The following TXNRD1 variants were observed in gnomAD, a reference collection of about 807,000 sequenced individuals.
TXNRD1 encodes thioredoxin reductase 1.
A neutral mutation model predicts 80.3 loss-of-function variants in TXNRD1; 57 were observed. The observed-to-expected ratio is 0.71, with a 90% CI of 0.57 to 0.89. The LOEUF (loss-of-function observed/expected upper bound fraction) is 0.89, where lower values mean the gene tolerates loss of function less well. Among genes scored for constraint, TXNRD1 ranks in the 40% least tolerant of loss-of-function variants. The pLI is 0.00. For synonymous variants in TXNRD1, 291 were observed against 285.2 expected (o/e 1.02, Z -0.20); for missense variants, 730 against 803.0 (o/e 0.91, Z 1.10).
chr12:104,348,221 A>G (rs139606762), intron 16 of TXNRD1, 132 bp from the exon 17 acceptor site: 2 of 742,940 alleles, frequency 2.7e-6, no homozygotes, highest in Non-Finnish European at 4.6e-6. Context: ...CCTTGATCAT[A>G]CTACTTCTCT....
chr12:104,327,639 G>T lies in TXNRD1; in HGVS notation c.1510G>T (p.Ala504Ser), dbSNP rs576410327. 1.3e-4 allele frequency: 205 copies of T among 1,613,638 alleles called. 2 individuals are homozygous for T. The South Asian group carries it at 2.0e-3, about 16-fold the overall frequency. ...PVAIQAGRLL[A>S]QRLYAGSTVK... ...TGCAATCCAGGCAGGAAGATTGCTGGCTCAGAGGCTCTATGCAGGTTCCAC... is the reference window on the plus strand; with the variant it reads ...TGCAATCCAGGCAGGAAGATTGCTGTCTCAGAGGCTCTATGCAGGTTCCAC... The change falls in exon 13 of 17, where the codon GCT becomes TCT. Residue 504 changes from alanine (A) to serine (S), a missense_variant. Transcript: ENST00000525566.
At chr12:104,295,247 G>T (rs948179107) in intron 4 of TXNRD1, among the ~76,000 whole-genome samples, 10 of 151,518 alleles carry the variant, frequency 6.6e-5, no homozygotes, top group Non-Finnish European at 1.5e-4. Flanking sequence ...TTTAATAGTA[G>T]CGTCAAAATT....
At chr12:104,312,708 G>A (rs1233449768) in intron 5 of TXNRD1, among the ~76,000 whole-genome samples, 12 of 152,278 alleles carry the variant, frequency 7.9e-5, no homozygotes, top group African/African-American at 2.9e-4. Context: ...CATAGATGTT[G>A]TCAACTTTTT....
At chr12:104,269,535 G>A (rs915891756) in intron 3 of TXNRD1, among the ~76,000 whole-genome samples, 2 of 151,616 alleles carry the variant, frequency 1.3e-5, no homozygotes, top group Non-Finnish European at 2.9e-5. Context: ...AAGTACTTGG[G>A]ACTACAGGCA....
chr12:104,308,469 T>G (rs964602029), intron 4 of TXNRD1, among the ~76,000 whole-genome samples: 2 of 152,128 alleles, frequency 1.3e-5, no homozygotes, highest in African/African-American at 2.4e-5. Flanking sequence ...ATTAAAAAAT[T>G]TTTTAAAATA....
At chr12:104,250,003 T>C (rs1045996431) in intron 1 of TXNRD1, among the ~76,000 whole-genome samples, 2 of 149,000 alleles carry the variant, frequency 1.3e-5, no homozygotes, top group African/African-American at 2.5e-5. Context: ...TGATTAATAA[T>C]AAACATTTTG....
chr12:104,238,450 T>C (rs181097471), intron 1 of TXNRD1, among the ~76,000 whole-genome samples: 26 of 152,338 alleles, frequency 1.7e-4, no homozygotes, highest in African/African-American at 4.8e-4. Flanking sequence ...TTGCTGATCC[T>C]TGTTTTGTTT....
intron 1 of TXNRD1, among the ~76,000 whole-genome samples, chr12:104,234,670 A>G (rs575692591): frequency 6.6e-6 from 1 of 151,664 alleles, no homozygotes; most frequent in Non-Finnish European, 1.5e-5. Context: ...GCCTTCCAAA[A>G]TTTAACTCAG....
intron 3 of TXNRD1, 75 bp downstream of exon 3, chr12:104,258,154 T>C: frequency 8.4e-7 from 1 of 1,191,068 alleles, no homozygotes; most frequent in Non-Finnish European, 1.2e-6. Flanking sequence ...CTGGCTTTAA[T>C]TTGTCTTCCT....
At chr12:104,217,285 T>TAA (rs200665371) in intron 1 of TXNRD1, among the ~76,000 whole-genome samples, 1 of 145,934 alleles carries the variant, frequency 6.9e-6, no homozygotes, top group Admixed American at 6.8e-5. Context: ...TGTGTGTGGT[T>TAA]AAAAAAAAAA....
chr12:104,304,933 C>T, intron 4 of TXNRD1: 20 of 1,582,206 alleles, frequency 1.3e-5, no homozygotes, highest in Non-Finnish European at 1.6e-5. Flanking sequence ...ACTCCTCATA[C>T]TAAAGATTTC....
At chr12:104,225,391 G>T (rs1354501795) in intron 1 of TXNRD1, among the ~76,000 whole-genome samples, 1 of 152,188 alleles carries the variant, frequency 6.6e-6, no homozygotes, top group Non-Finnish European at 1.5e-5. Flanking sequence ...TTGCTTAATA[G>T]AGTGATTGGG....
intron 7 of TXNRD1, among the ~76,000 whole-genome samples, chr12:104,318,497 C>G (rs35499333): frequency 1.3e-5 from 2 of 152,184 alleles, no homozygotes; most frequent in Non-Finnish European, 2.9e-5. Context: ...CTGGATTGGC[C>G]CATGGTGCAG....
intron 4 of TXNRD1, among the ~76,000 whole-genome samples, chr12:104,297,305 C>CA (rs369240448): frequency 0.028 from 1,964 of 70,900 alleles, 25 homozygotes; most frequent in Middle Eastern, 0.044. Flanking sequence ...AACTCCATCT[C>CA]AAAAAAAAAA....
intron 9 of TXNRD1, among the ~76,000 whole-genome samples, chr12:104,320,592 CTT>C (rs1346623281): frequency 6.6e-6 from 1 of 151,810 alleles, no homozygotes; most frequent in Non-Finnish European, 1.5e-5. Flanking sequence ...AACTAGAAGA[CTT>C]TTGTCAGGTT....
chr12:104,292,395 C>CTTT lies in TXNRD1; in HGVS notation c.414+3363_414+3365dup, dbSNP rs35461325. 6.7e-3 allele frequency among the ~76,000 whole-genome samples: 981 copies of CTTT among 146,048 alleles called. 4 individuals carry two copies. Among genetic ancestry groups the CTTT allele is most frequent in the Non-Finnish European group, 0.01 (686 of 66,578 alleles). On this transcript the variant is annotated intron_variant, in intron 4 of 16. Coordinates refer to ENST00000525566, the MANE Select transcript of TXNRD1 (RefSeq NM_001093771.3). The stretch of plus-strand genomic sequence containing the variant: ...TAGGAATCTACCCCCGCCCCCCCGC[C>CTTT]TTTTTTTTTTGAGATGGAGTTCTGC...
intron 3 of TXNRD1, among the ~76,000 whole-genome samples, chr12:104,260,927 T>A (rs1001480361): frequency 6.6e-6 from 1 of 152,198 alleles, no homozygotes; most frequent in African/African-American, 2.4e-5. Flanking sequence ...CACTAAGTGC[T>A]TGGGGAGCAT....
Position 104,251,768 on chromosome 12 carries a change from A to G in TXNRD1, c.243+90A>G. The G allele has an allele frequency of 8.7e-6, 13 of 1,492,648 alleles. No individual in the cohort carries two copies. The South Asian group carries it at 1.5e-4, about 18-fold the overall frequency. 92.5% of individuals were successfully genotyped at this position (1,492,648 alleles called of 1,614,324 possible). A position where few individuals can be genotyped will look rare whatever the true frequency, so the allele number is the denominator to read the frequency against. On this transcript the variant is annotated intron_variant, in intron 2 of 16. Transcript: ENST00000525566. The stretch of plus-strand genomic sequence containing the variant: ...ATGTAAACAACTGGATTTTACCTTT[A>G]GGAAGAGTGTATGTAGGCTGGGCGC...
At chr12:104,229,417 T>A (rs1397344673) in intron 1 of TXNRD1, among the ~76,000 whole-genome samples, 3 of 151,868 alleles carry the variant, frequency 2.0e-5, no homozygotes, top group African/African-American at 7.3e-5. Flanking sequence ...TCTGGGCATT[T>A]CTTATAAGTG....
Sources: gnomAD v4.1 joint callset for allele counts (sites outside exome capture counted in the v4.1 genomes callset) on GRCh38, gnomAD v4.1.1 for gene constraint, MANE v1.5 for transcripts, NCBI Gene and HGNC (gene_info 2026-07-23, HGNC 2026-07-21) for gene names.